Variants in NKAIN2 observed in about 807,000 individuals in gnomAD.
The protein encoded by NKAIN2 is sodium/potassium-transporting ATPase subunit beta-1-interacting protein 2.
A neutral mutation model predicts 32.6 loss-of-function variants in NKAIN2; 14 were observed. That is an observed-to-expected ratio of 0.43 (90% CI 0.28 to 0.67). The LOEUF (loss-of-function observed/expected upper bound fraction) is 0.67. Among genes scored for constraint, NKAIN2 ranks in the 30% least tolerant of loss-of-function variants. The pLI is 0.17. For missense variants in NKAIN2, 198 were observed against 258.3 expected, an observed-to-expected ratio of 0.77 and a Z score of 1.60; for synonymous variants, 80 against 87.2, an observed-to-expected ratio of 0.92 and a Z score of 0.46.
chr6:124,534,257 G>A (rs1779633904), intron 3 of NKAIN2, among the ~76,000 whole-genome samples: 1 of 151,818 alleles, frequency 6.6e-6, no homozygotes, highest in Non-Finnish European at 1.5e-5. Context: ...CTCAAGCTTT[G>A]CTTATGCCTC....
intron 1 of NKAIN2, among the ~76,000 whole-genome samples, chr6:124,147,189 GA>G (rs556389786): frequency 6.5e-3 from 983 of 152,190 alleles, no homozygotes; most frequent in Non-Finnish European, 0.01. Flanking sequence ...CGGACTTTTA[GA>G]AAATATTCTG....
intron 1 of NKAIN2, among the ~76,000 whole-genome samples, chr6:123,971,779 T>C (rs1438653585): frequency 6.6e-6 from 1 of 152,220 alleles, no homozygotes; most frequent in Non-Finnish European, 1.5e-5. Context: ...TGAGTTTCCA[T>C]TTGAAAGTTT....
intron 2 of NKAIN2, among the ~76,000 whole-genome samples, chr6:124,302,124 A>G (rs1796315183): frequency 1.3e-5 from 2 of 152,152 alleles, no homozygotes; most frequent in African/African-American, 4.8e-5. Context: ...TAAGTCTCAC[A>G]AGATCTGACG....
At chr6:124,444,598 T>C (rs1775815664) in intron 3 of NKAIN2, among the ~76,000 whole-genome samples, 1 of 152,072 alleles carries the variant, frequency 6.6e-6, no homozygotes, top group Non-Finnish European at 1.5e-5. Context: ...ATTTTACATA[T>C]TCTCAACTAC....
intron 5 of NKAIN2, among the ~76,000 whole-genome samples, chr6:124,799,999 A>G (rs2114828573): frequency 6.6e-6 from 1 of 152,300 alleles, no homozygotes; most frequent in Non-Finnish European, 1.5e-5. Context: ...GAATGTTGAC[A>G]TACACACTCA....
intron 1 of NKAIN2, among the ~76,000 whole-genome samples, chr6:123,930,849 A>G (rs1776222153): frequency 6.6e-6 from 1 of 152,190 alleles, no homozygotes; most frequent in Non-Finnish European, 1.5e-5. Flanking sequence ...AAAAACAACT[A>G]CAGAACTAAG....
intron 1 of NKAIN2, among the ~76,000 whole-genome samples, chr6:124,186,007 A>T (rs1789707880): frequency 6.6e-6 from 1 of 151,818 alleles, no homozygotes; most frequent in Admixed American, 6.6e-5. Context: ...AAAAAAGAAA[A>T]CTGGGGGCTC....
intron 1 of NKAIN2, among the ~76,000 whole-genome samples, chr6:124,205,469 A>G (rs1790824139): frequency 6.6e-6 from 1 of 151,640 alleles, no homozygotes; most frequent in Admixed American, 6.6e-5. Flanking sequence ...CTCTACTGGT[A>G]CCTGAACACA....
chr6:124,389,705 C>A (rs942626384), intron 3 of NKAIN2, among the ~76,000 whole-genome samples: 1 of 133,900 alleles, frequency 7.5e-6, no homozygotes. Context: ...TTCCTCATCT[C>A]TGTGTACATT....
chr6:124,050,533 G>T (rs184775032), intron 1 of NKAIN2, among the ~76,000 whole-genome samples: 1 of 151,974 alleles, frequency 6.6e-6, no homozygotes, highest in African/African-American at 2.4e-5. Context: ...GGGGCTCAGT[G>T]GTTTTCCTTG....
chr6:124,549,737 C>T (rs1470212604), intron 3 of NKAIN2, among the ~76,000 whole-genome samples: 1 of 152,054 alleles, frequency 6.6e-6, no homozygotes, highest in African/African-American at 2.4e-5. Flanking sequence ...GCAGAATGCT[C>T]CTTGGATTGG....
intron 4 of NKAIN2, among the ~76,000 whole-genome samples, chr6:124,726,395 T>G (rs1776311017): frequency 6.6e-6 from 1 of 152,186 alleles, no homozygotes; most frequent in Non-Finnish European, 1.5e-5. Flanking sequence ...AGTGGGTCCC[T>G]GACCCATGAC....
chr6:124,220,739 C>T (rs1028491876), intron 1 of NKAIN2, among the ~76,000 whole-genome samples: 3 of 151,736 alleles, frequency 2.0e-5, no homozygotes, highest in African/African-American at 4.8e-5. Flanking sequence ...AATTGTCTAT[C>T]TTTCCCAGCT....
chr6:124,798,063 TTATCTATCTATC>T (rs35465154), intron 5 of NKAIN2, among the ~76,000 whole-genome samples: 4,496 of 148,546 alleles, frequency 0.03, 105 homozygotes, highest in African/African-American at 0.066. Flanking sequence ...TATCTATCTA[TTATCTATCTATC>T]TATCTATCTA....
intron 1 of NKAIN2, among the ~76,000 whole-genome samples, chr6:124,151,260 CTT>C (rs1441773701): frequency 1.3e-5 from 2 of 151,856 alleles, no homozygotes; most frequent in Non-Finnish European, 2.9e-5. Context: ...TTTTACATGA[CTT>C]TTATTTTATT....
At chr6:124,213,012 A>G (rs772665230) in intron 1 of NKAIN2, among the ~76,000 whole-genome samples, 6 of 152,094 alleles carry the variant, frequency 3.9e-5, no homozygotes, top group Non-Finnish European at 7.4e-5. Flanking sequence ...CTTTGCTTTT[A>G]CTTAGCTTCA....
At chr6:124,195,472 T>C (rs933920140) in intron 1 of NKAIN2, among the ~76,000 whole-genome samples, 4 of 152,120 alleles carry the variant, frequency 2.6e-5, no homozygotes, top group Admixed American at 2.6e-4. Flanking sequence ...ACTTACTTGC[T>C]AGACATTTGA....
At chr6:124,123,914 G>A (rs1298138215) in intron 1 of NKAIN2, among the ~76,000 whole-genome samples, 1 of 152,048 alleles carries the variant, frequency 6.6e-6, no homozygotes, top group Non-Finnish European at 1.5e-5. Flanking sequence ...TCTAAGACTC[G>A]ACTTTGGTTA....
At chr6:124,156,316 A>G (rs1486444900) in intron 1 of NKAIN2, among the ~76,000 whole-genome samples, 4 of 152,078 alleles carry the variant, frequency 2.6e-5, no homozygotes, top group Non-Finnish European at 4.4e-5. Flanking sequence ...TCGATGATTC[A>G]CGCATGTGTA....
Sources: allele counts gnomAD v4.1 joint callset (sites outside exome capture counted in the v4.1 genomes callset), GRCh38; gene constraint gnomAD v4.1.1; transcripts MANE v1.5; gene names NCBI Gene and HGNC (gene_info 2026-07-23, HGNC 2026-07-21).